Variants in CFAP45 observed in about 807,000 individuals in gnomAD.
CFAP45 encodes the protein cilia- and flagella-associated protein 45.
In CFAP45, 43 loss-of-function variants were observed where a neutral mutation model predicts 75.6. The ratio of observed to expected loss-of-function variants is 0.57; its 90% CI spans 0.45 to 0.73. CFAP45 has a LOEUF of 0.73. Ranked by LOEUF, CFAP45 falls within the 30% of genes least tolerant of loss-of-function variation. The probability of loss-of-function intolerance (pLI) is 0.00; values close to 1 mark genes in which losing one functional copy is unlikely to be tolerated. For missense variants in CFAP45, 689 were observed against 701.5 expected, an observed-to-expected ratio of 0.98 and a Z score of 0.20; for synonymous variants, 223 against 244.6, an observed-to-expected ratio of 0.91 and a Z score of 0.82.
In CFAP45 at chr1:159,880,708, CA is replaced by C. The variant is rs1482457655; in HGVS notation, c.898-9del. On this transcript the variant is annotated splice_polypyrimidine_tract_variant and intron_variant, in intron 7 of 11. Transcript: ENST00000368099. ...CTGCCTTCGTTCCATGTCCTGCCAGCAAAAGAAAGAGAGCCTCAGAGTACAA... is the reference window on the plus strand; with the variant it reads ...CTGCCTTCGTTCCATGTCCTGCCAGCAAAGAAAGAGAGCCTCAGAGTACAA... 1 of 1,613,148 alleles carries C rather than the reference CA, an allele frequency of 6.2e-7. No homozygotes were observed. The highest frequency in any genetic ancestry group is 8.5e-7 in the Non-Finnish European group (1 of 1,179,566).
At chr1:159,899,408 C>T (rs1176955393) in intron 1 of CFAP45, among the ~76,000 whole-genome samples, 1 of 150,192 alleles carries the variant, frequency 6.7e-6, no homozygotes, top group African/African-American at 2.5e-5. Flanking sequence ...AGTCACCTTG[C>T]TAGTTAGTGG....
Position 159,873,059 on chromosome 1 carries a change from TCTG to T in CFAP45, c.1459_1461del (p.Gln487del). ...GTGGCAATCCGGTTCTGCACTTCCT[TCTG>T]CTGGTTCTCGCGCACCTGGCGCCGG... On this transcript the variant is annotated inframe_deletion, in exon 11 of 12. Transcript: ENST00000368099. The T allele has an allele frequency of 6.2e-7, 1 of 1,614,226 alleles. No individual in the cohort carries two copies. The highest frequency in any genetic ancestry group is 8.5e-7 in the Non-Finnish European group (1 of 1,180,038).
chr1:159,884,644 C>T (rs1649633238), intron 6 of CFAP45, 79 bp from the exon 7 acceptor site: 1 of 1,424,796 alleles, frequency 7.0e-7, no homozygotes, highest in Non-Finnish European at 9.6e-7. Flanking sequence ...CTAAACAACC[C>T]CCAAGATGGG....
intron 2 of CFAP45, among the ~76,000 whole-genome samples, chr1:159,892,423 T>C (rs575081169): frequency 1.3e-4 from 20 of 152,314 alleles, no homozygotes; most frequent in Non-Finnish European, 2.5e-4. Flanking sequence ...TCCTCTTCAA[T>C]TCACAATGAA....
At chr1:159,876,426 AATG>A in intron 10 of CFAP45, 127 bp downstream of exon 10, 1 of 686,050 alleles carries the variant, frequency 1.5e-6, no homozygotes, top group Admixed American at 2.6e-5. Context: ...ATCTAGTTAT[AATG>A]ATCCCACCAA....
chr1:159,873,240 C>A lies in CFAP45; in HGVS notation c.1353-72G>T. On this transcript the variant is annotated intron_variant, in intron 10 of 11. Coordinates refer to ENST00000368099, the MANE Select transcript of CFAP45 (RefSeq NM_012337.3). ...AGGCCAGGAAAGGTGGTGGGGGAGCCTCCTGGGTGGGCTCCTTCAGTAGAC... is the reference window on the plus strand; with the variant it reads ...AGGCCAGGAAAGGTGGTGGGGGAGCATCCTGGGTGGGCTCCTTCAGTAGAC... 2.2e-6 allele frequency: 3 copies of A among 1,336,854 alleles called. No individual in the cohort carries two copies. In the South Asian group the frequency reaches 3.6e-5, roughly 16 times the overall value. 82.8% of individuals were successfully genotyped at this position (1,336,854 alleles called of 1,614,324 possible).
chr1:159,890,237 G>A (rs1287101525), intron 3 of CFAP45, among the ~76,000 whole-genome samples: 1 of 152,162 alleles, frequency 6.6e-6, no homozygotes, highest in African/African-American at 2.4e-5. Flanking sequence ...CTAGAAGTAA[G>A]GAAGGACAAT....
In CFAP45 at chr1:159,872,392, T is replaced by G. The variant is rs567870673; in HGVS notation, c.*93A>C. On this transcript the variant is annotated 3_prime_UTR_variant, in exon 12 of 12. Coordinates refer to ENST00000368099, the MANE Select transcript of CFAP45 (RefSeq NM_012337.3). ...AAGTCAAGTAGATTTAATCTGTAACTATGAAATGTCTAGGTTAGCAGCAAT... is the reference window on the plus strand; with the variant it reads ...AAGTCAAGTAGATTTAATCTGTAACGATGAAATGTCTAGGTTAGCAGCAAT... 22 of 974,542 alleles carry G rather than the reference T, an allele frequency of 2.3e-5. No homozygotes were observed. In the South Asian group the frequency reaches 2.9e-4, roughly 13 times the overall value. The allele number at this position is 974,542 out of a possible 1,614,324, so 60.4% of individuals were successfully genotyped here. A position where few individuals can be genotyped will look rare whatever the true frequency, so the allele number is the denominator to read the frequency against.
chr1:159,877,536 C>G, intron 8 of CFAP45, 74 bp from the exon 9 acceptor site: 1 of 1,000,970 alleles, frequency 1.0e-6, no homozygotes, highest in Non-Finnish European at 1.6e-6. Context: ...ACCCCTACAA[C>G]AGACTTTCCA....
chr1:159,880,432 A>C, intron 8 of CFAP45, 122 bp downstream of exon 8: 1 of 832,472 alleles, frequency 1.2e-6, no homozygotes, highest in Non-Finnish European at 1.9e-6. Context: ...TGAACTAAGG[A>C]TGTGCATCTT....
intron 8 of CFAP45, among the ~76,000 whole-genome samples, chr1:159,879,188 A>G (rs567183698): frequency 6.6e-5 from 10 of 152,218 alleles, no homozygotes; most frequent in African/African-American, 1.9e-4. Context: ...AGCTCCACTC[A>G]ATGTCCAAGA....
At chr1:159,880,209 G>A (rs981092447) in intron 8 of CFAP45, among the ~76,000 whole-genome samples, 5 of 152,138 alleles carry the variant, frequency 3.3e-5, no homozygotes, top group South Asian at 2.1e-4. Context: ...CATGATTACC[G>A]GGGGTATAAT....
rs558693541 is a variant in CFAP45 at position 159,894,729 on chromosome 1, T to A, written c.4-1424A>T. On this transcript the variant is annotated intron_variant, in intron 1 of 11. Coordinates refer to ENST00000368099, the MANE Select transcript of CFAP45 (RefSeq NM_012337.3). ...TCTCCAACTACAGAAGCTGAAAACA[T>A]CAAATATTCACCTCAGCCTGGCCAA... Among the ~76,000 whole-genome samples the A allele has an allele frequency of 2.6e-5, 4 of 152,242 alleles. No homozygotes were observed. In the East Asian group the frequency reaches 7.7e-4, roughly 29 times the overall value.
chr1:159,878,032 T>G (rs1649444641), intron 8 of CFAP45, among the ~76,000 whole-genome samples: 1 of 152,216 alleles, frequency 6.6e-6, no homozygotes. Flanking sequence ...AGACAGATAT[T>G]ATAGATGAGG....
intron 10 of CFAP45, among the ~76,000 whole-genome samples, chr1:159,873,850 CT>C (rs1649339654): frequency 6.1e-5 from 2 of 32,756 alleles, no homozygotes; most frequent in African/African-American, 1.1e-4. Context: ...TCCTTCCTTC[CT>C]TCCTTCCTTC....
intron 3 of CFAP45, 45 bp from the exon 4 acceptor site, chr1:159,888,541 C>T (rs1649750134): frequency 6.3e-7 from 1 of 1,577,444 alleles, no homozygotes; most frequent in African/African-American, 1.4e-5. Flanking sequence ...AGGGAAAGCT[C>T]TCAGCACCAC....
intron 1 of CFAP45, among the ~76,000 whole-genome samples, chr1:159,896,191 G>T (rs771310283): frequency 1.3e-5 from 2 of 152,210 alleles, no homozygotes; most frequent in South Asian, 2.1e-4. Flanking sequence ...TGAAGTGTCC[G>T]CCAGACTGCA....
At chr1:159,884,328 T>C in intron 7 of CFAP45, 108 bp downstream of exon 7, 4 of 1,158,284 alleles carry the variant, frequency 3.5e-6, no homozygotes, top group Non-Finnish European at 3.6e-6. Context: ...TGTTGTGAAA[T>C]GAGCATGTGC....
Position 159,879,273 on chromosome 1 carries a change from G to A in CFAP45, c.1044+1281C>T, listed in dbSNP as rs1057458908. Among the ~76,000 whole-genome samples, 4 of 152,104 alleles carry A rather than the reference G, an allele frequency of 2.6e-5. No homozygotes were observed. The East Asian group carries it at 7.7e-4, about 29-fold the overall frequency. On this transcript the variant is annotated intron_variant, in intron 8 of 11. Coordinates refer to ENST00000368099, the MANE Select transcript of CFAP45 (RefSeq NM_012337.3). ...TTATTATATCCACTACCAACCCTCT[G>A]CTGCAGCCAGAAAATATGTGCACTA...
Sources: gnomAD v4.1 joint callset for allele counts (sites outside exome capture counted in the v4.1 genomes callset) on GRCh38, gnomAD v4.1.1 for gene constraint, MANE v1.5 for transcripts, NCBI Gene and HGNC (gene_info 2026-07-23, HGNC 2026-07-21) for gene names.